The following CACNA1E variants were observed in gnomAD, a reference collection of about 807,000 sequenced individuals.
CACNA1E encodes the protein voltage-dependent R-type calcium channel subunit alpha-1E.
In CACNA1E, 40 loss-of-function variants were observed where a neutral mutation model predicts 259.2. That is an observed-to-expected ratio of 0.15 (90% confidence interval 0.12 to 0.20). The LOEUF (loss-of-function observed/expected upper bound fraction) is 0.20. Ranked by LOEUF, CACNA1E falls within the 10% of genes least tolerant of loss-of-function variation. The probability of loss-of-function intolerance (pLI) is 1.00; values close to 1 mark genes in which losing one functional copy is unlikely to be tolerated. For missense variants in CACNA1E, 1,874 were observed against 3,040.1 expected, an observed-to-expected ratio of 0.62 and a Z score of 9.02; for synonymous variants, 1,104 against 1,138.5, an observed-to-expected ratio of 0.97 and a Z score of 0.61.
At chr1:181,466,406 G>T (rs961757324) in intron 2 of CACNA1E, among the ~76,000 whole-genome samples, 3 of 151,976 alleles carry the variant, frequency 2.0e-5, no homozygotes, top group Non-Finnish European at 4.4e-5. Flanking sequence ...ATTAAGCCTT[G>T]TGTGGGTGGC....
chr1:181,335,929 A>C (rs1651676601), intron 1 of CACNA1E, among the ~76,000 whole-genome samples: 2 of 152,226 alleles, frequency 1.3e-5, no homozygotes, highest in South Asian at 4.1e-4. Context: ...ATGGGGCCAT[A>C]GAGATCTCAT....
At chr1:181,391,945 CTGTGTGTGTGTGTGTG>C (rs201388697) in intron 1 of CACNA1E, among the ~76,000 whole-genome samples, 1 of 118,194 alleles carries the variant, frequency 8.5e-6, no homozygotes, top group Non-Finnish European at 1.7e-5. Context: ...CTCTCTCTCT[CTGTGTGTGTGTGTGTG>C]TGTGTGTGTG....
intron 1 of CACNA1E, among the ~76,000 whole-genome samples, chr1:181,381,035 G>A (rs1571716729): frequency 1.3e-5 from 2 of 152,122 alleles, no homozygotes; most frequent in East Asian, 3.9e-4. Context: ...ACATGGTGAT[G>A]GGCATCTGTA....
intron 7 of CACNA1E, among the ~76,000 whole-genome samples, chr1:181,675,647 G>T (rs1649294614): frequency 6.6e-6 from 1 of 152,126 alleles, no homozygotes; most frequent in African/African-American, 2.4e-5. Flanking sequence ...AAAAGGGAAA[G>T]AATTAAAATA....
At chr1:181,527,220 G>A (rs1490690150) in intron 3 of CACNA1E, among the ~76,000 whole-genome samples, 1 of 152,242 alleles carries the variant, frequency 6.6e-6, no homozygotes, top group African/African-American at 2.4e-5. Context: ...TTCAGTGCCT[G>A]GCAAAGGCCC....
chr1:181,356,353 T>C (rs1653435784), intron 1 of CACNA1E, among the ~76,000 whole-genome samples: 1 of 152,068 alleles, frequency 6.6e-6, no homozygotes, highest in African/African-American at 2.4e-5. Flanking sequence ...TGTGTGTGTG[T>C]GTGTGTGTGT....
chr1:181,394,422 T>C (rs584183), intron 1 of CACNA1E, among the ~76,000 whole-genome samples: 6,477 of 152,326 alleles, frequency 0.043, 180 homozygotes, highest in African/African-American at 0.073. Flanking sequence ...AATTTACTCA[T>C]TCACTAAAAT....
chr1:181,591,959 G>A (rs922866188), intron 6 of CACNA1E, among the ~76,000 whole-genome samples: 3 of 152,176 alleles, frequency 2.0e-5, no homozygotes, highest in African/African-American at 7.2e-5. Context: ...GTATAAACCT[G>A]CTCCTCTCAG....
chr1:181,525,950 G>A (rs1667327691), intron 3 of CACNA1E, among the ~76,000 whole-genome samples: 1 of 152,158 alleles, frequency 6.6e-6, no homozygotes, highest in Admixed American at 6.5e-5. Flanking sequence ...CTAAGGAAAG[G>A]AGTTTCAGAA....
intron 1 of CACNA1E, among the ~76,000 whole-genome samples, chr1:181,345,033 G>A (rs918641119): frequency 1.5e-4 from 23 of 152,228 alleles, no homozygotes; most frequent in Admixed American, 3.3e-4. Context: ...AAGACAGTGA[G>A]TGGGGCAGGC....
intron 6 of CACNA1E, among the ~76,000 whole-genome samples, chr1:181,611,142 G>C (rs1168081596): frequency 6.6e-6 from 1 of 152,110 alleles, no homozygotes; most frequent in Non-Finnish European, 1.5e-5. Flanking sequence ...AGATAGTAAG[G>C]CATGCCTTCT....
chr1:181,602,853 G>C (rs1396329419), intron 6 of CACNA1E, among the ~76,000 whole-genome samples: 1 of 152,122 alleles, frequency 6.6e-6, no homozygotes, highest in African/African-American at 2.4e-5. Context: ...GCTCATTGAG[G>C]TTGTATTAAT....
At chr1:181,461,006 G>A (rs1456377243) in intron 2 of CACNA1E, among the ~76,000 whole-genome samples, 1 of 152,166 alleles carries the variant, frequency 6.6e-6, no homozygotes, top group Admixed American at 6.5e-5. Flanking sequence ...AATCCTGTGG[G>A]AAGCTGAAGT....
chr1:181,422,377 C>T (rs181918037), intron 2 of CACNA1E, among the ~76,000 whole-genome samples: 3 of 152,298 alleles, frequency 2.0e-5, no homozygotes, highest in African/African-American at 4.8e-5. Flanking sequence ...GTTATAGTTA[C>T]GATCTATGTG....
rs1030228168 is a variant in CACNA1E, at chr1:181,732,456, G to C, written c.2370G>C (p.Gln790His). The C allele has an allele frequency of 6.4e-6, 10 of 1,551,098 alleles. No individual in the cohort carries two copies. Among genetic ancestry groups the C allele is most frequent in the Non-Finnish European group, 8.7e-6 (10 of 1,146,688 alleles). Residue 790 changes from glutamine to histidine, a missense_variant, in exon 20 of 48, where the codon CAG (glutamine) becomes CAC (histidine). By Grantham distance (24) the Gln-to-His change is conservative. Around this residue, in one of 14 missense-constraint regions of CACNA1E, gnomAD observed 476 missense variants for 514.0 expected, o/e 0.93. Coordinates refer to ENST00000367573, the MANE Select transcript of CACNA1E (RefSeq NM_001205293.3). This position sits in a 1 kb window ranked among gnomAD's most constrained non-coding sequence, Gnocchi z 5.5. Reference protein sequence around the residue: ...QRTSQLRKHMQMSSQEALNRE... With the variant: ...QRTSQLRKHMHMSSQEALNRE... ...CCAGCCAGCTGAGGAAGCACATGCA[G>C]ATGTCCAGCCAGGAGGCCCTCAACA... is the stretch of plus-strand genomic sequence containing the variant.
intron 2 of CACNA1E, among the ~76,000 whole-genome samples, chr1:181,458,309 TC>T (rs1661588290): frequency 6.6e-6 from 1 of 152,106 alleles, no homozygotes; most frequent in African/African-American, 2.4e-5. Context: ...ACCACCTGGC[TC>T]CCCATTCCTA....
intron 3 of CACNA1E, among the ~76,000 whole-genome samples, chr1:181,564,764 T>C (rs750842934): frequency 6.6e-5 from 10 of 152,222 alleles, no homozygotes; most frequent in Non-Finnish European, 1.3e-4. Flanking sequence ...AAGTCGAAAT[T>C]ACTTCTTGAT....
rs116671607 is a variant in CACNA1E at position 181,377,020 on chromosome 1, C to T, written c.-14-36113C>T. On this transcript the variant is annotated intron_variant, in intron 1 of 11. Coordinates refer to the CACNA1E transcript ENST00000524607. The stretch of plus-strand genomic sequence containing the variant: ...TATGGTCCCTTACCTTGAATGCCCC[C>T]GCTAGTTTTATGAGTCAAATTCATG... 6.0e-3 allele frequency among the ~76,000 whole-genome samples: 914 copies of T among 152,196 alleles called. 5 individuals carry two copies. The highest frequency in any genetic ancestry group is 0.017 in the African/African-American group (694 of 41,506).
At position 181,516,343 on chromosome 1, in the gene CACNA1E, CCACACACA is replaced by C. The variant is rs3080529; in HGVS notation, c.512+4868_512+4875del. Among the ~76,000 whole-genome samples, 548 of 143,400 alleles carry C rather than the reference CCACACACA, an allele frequency of 3.8e-3. 2 individuals carry two copies. Among genetic ancestry groups the C allele is most frequent in the African/African-American group, 0.011 (424 of 38,548 alleles). The allele number at this position is 143,400 out of a possible 152,430, so 94.1% of individuals were successfully genotyped here. On this transcript the variant is annotated intron_variant, in intron 3 of 47. Transcript: ENST00000367573. Reference sequence around the variant, plus strand: ...CATTTATTGAACCATGTGCCAAAGACCACACACACACACACACACACACACACACACAC... The same window carrying C: ...CATTTATTGAACCATGTGCCAAAGACCACACACACACACACACACACACAC...
Sources: gnomAD v4.1 joint callset for allele counts (sites outside exome capture counted in the v4.1 genomes callset) on GRCh38, gnomAD v4.1.1 for gene constraint, gnomAD v4.1.1 regional missense constraint, Gnocchi (gnomAD v3.1) non-coding constraint, MANE v1.5 for transcripts, NCBI Gene and HGNC (gene_info 2026-07-23, HGNC 2026-07-21) for gene names.